NRG3: variants seen among roughly 807,000 people sequenced by gnomAD.
The protein encoded by NRG3 is pro-neuregulin-3, membrane-bound isoform.
Under a neutral mutation model 66.9 loss-of-function variants are expected in NRG3, and 31 were observed. The observed-to-expected ratio is 0.46, with a 90% CI of 0.35 to 0.63. NRG3 has a LOEUF of 0.63. Among genes scored for constraint, NRG3 ranks in the 20% least tolerant of loss-of-function variants. NRG3 has a pLI of 0.00. For missense variants in NRG3, 910 were observed against 878.9 expected (o/e 1.04, Z -0.45); for synonymous variants, 393 against 359.4 (o/e 1.09, Z -1.06).
At chr10:82,568,327 CTTTAG>C (rs575333995) in intron 2 of NRG3, among the ~76,000 whole-genome samples, 207 of 151,980 alleles carry the variant, frequency 1.4e-3, no homozygotes, top group Non-Finnish European at 2.4e-3. Context: ...TGAACATCAG[CTTTAG>C]TTTAGTTAAC....
intron 2 of NRG3, among the ~76,000 whole-genome samples, chr10:82,385,395 T>G (rs2085913093): frequency 6.6e-6 from 1 of 152,178 alleles, no homozygotes; most frequent in Admixed American, 6.5e-5. Context: ...ATAACAATAA[T>G]AGCTACAAAG....
intron 2 of NRG3, among the ~76,000 whole-genome samples, chr10:82,360,541 A>G (rs1036338565): frequency 1.3e-5 from 2 of 152,240 alleles, no homozygotes; most frequent in Non-Finnish European, 2.9e-5. Context: ...GAGATGATTC[A>G]TCTTTTCCAA....
chr10:82,925,161 T>C (rs1846859346), intron 4 of NRG3, among the ~76,000 whole-genome samples: 1 of 152,176 alleles, frequency 6.6e-6, no homozygotes. Flanking sequence ...AATTGGTCTT[T>C]AAACTGACTC....
intron 1 of NRG3, among the ~76,000 whole-genome samples, chr10:82,010,394 G>A (rs1479604039): frequency 6.6e-6 from 1 of 152,146 alleles, no homozygotes; most frequent in Admixed American, 6.6e-5. Context: ...AAAATATAAT[G>A]TGGTTTGAAA....
At chr10:81,966,181 A>G (rs1229702204) in intron 1 of NRG3, among the ~76,000 whole-genome samples, 1 of 151,788 alleles carries the variant, frequency 6.6e-6, no homozygotes, top group Non-Finnish European at 1.5e-5. Flanking sequence ...ATTTACATTA[A>G]TATACAGCTA....
chr10:82,791,064 G>GT (rs1328380140), intron 3 of NRG3, among the ~76,000 whole-genome samples: 5 of 151,176 alleles, frequency 3.3e-5, no homozygotes, highest in Admixed American at 6.6e-5. Context: ...CTGACTTAAA[G>GT]TTTTTTTTTA....
chr10:82,189,393 A>G (rs954349770), intron 1 of NRG3, among the ~76,000 whole-genome samples: 1 of 152,128 alleles, frequency 6.6e-6, no homozygotes, highest in African/African-American at 2.4e-5. Context: ...ACAGTGACTC[A>G]CACCTGTAAT....
intron 1 of NRG3, among the ~76,000 whole-genome samples, chr10:82,240,363 G>C (rs1054243081): frequency 1.3e-5 from 2 of 152,018 alleles, no homozygotes; most frequent in African/African-American, 4.8e-5. Flanking sequence ...TGAAAGTGTA[G>C]ATTTCAGATA....
At chr10:82,083,148 G>A (rs1400683932) in intron 1 of NRG3, among the ~76,000 whole-genome samples, 1 of 151,716 alleles carries the variant, frequency 6.6e-6, no homozygotes, top group Admixed American at 6.6e-5. Context: ...ATGACTTAAG[G>A]CTATTTTTGA....
chr10:82,216,460 A>ATATGTG (rs1554851844), intron 1 of NRG3, among the ~76,000 whole-genome samples: 22 of 146,330 alleles, frequency 1.5e-4, no homozygotes, highest in Admixed American at 3.4e-4. Flanking sequence ...TTTTATATAT[A>ATATGTG]TGTGTGTGTG....
At chr10:82,682,997 C>G (rs1009787943) in intron 2 of NRG3, among the ~76,000 whole-genome samples, 24 of 140,402 alleles carry the variant, frequency 1.7e-4, no homozygotes, top group South Asian at 4.6e-4. Context: ...CTCACTCTGT[C>G]GCCCAGGCTG....
intron 1 of NRG3, among the ~76,000 whole-genome samples, chr10:81,970,434 A>T (rs2059891735): frequency 6.6e-6 from 1 of 152,194 alleles, no homozygotes; most frequent in South Asian, 2.1e-4. Flanking sequence ...TCTTTTTCTT[A>T]ACTTTAGCAG....
chr10:82,574,535 A>C (rs2045926388), intron 2 of NRG3, among the ~76,000 whole-genome samples: 1 of 151,788 alleles, frequency 6.6e-6, no homozygotes. Context: ...AAAGATTTGA[A>C]ATTTGTTCCC....
chr10:82,875,900 G>T (rs1427660439), intron 4 of NRG3, among the ~76,000 whole-genome samples: 1 of 152,196 alleles, frequency 6.6e-6, no homozygotes, highest in Non-Finnish European at 1.5e-5. Context: ...TTTACACAAA[G>T]TCATGACAAC....
intron 2 of NRG3, among the ~76,000 whole-genome samples, chr10:82,556,085 A>G (rs1194649649): frequency 6.6e-6 from 1 of 152,134 alleles, no homozygotes; most frequent in Non-Finnish European, 1.5e-5. Context: ...TTCATTTGAC[A>G]CATTTGATGA....
At chr10:81,984,524 A>G (rs1269710085) in intron 1 of NRG3, among the ~76,000 whole-genome samples, 1 of 152,006 alleles carries the variant, frequency 6.6e-6, no homozygotes, top group Non-Finnish European at 1.5e-5. Flanking sequence ...TGTTTCCAAA[A>G]TTTTCTCATA....
chr10:82,958,941 G>T lies in NRG3; in HGVS notation c.1158-8G>T. 1 of 1,565,518 alleles carries T rather than the reference G, an allele frequency of 6.4e-7. No individual in the cohort carries two copies. Among genetic ancestry groups the T allele is most frequent in the Non-Finnish European group, 8.6e-7 (1 of 1,162,658 alleles). ...CAAATATTTGTACACGTTTATTTAT[G>T]CCTGCAGGAAACAAGCTAAACAAAT... On this transcript the variant is annotated splice_region_variant and splice_polypyrimidine_tract_variant and intron_variant, in intron 5 of 8. Coordinates refer to ENST00000372141, the MANE Select transcript of NRG3 (RefSeq NM_001010848.4).
intron 2 of NRG3, among the ~76,000 whole-genome samples, chr10:82,729,753 G>C (rs991056801): frequency 6.6e-6 from 1 of 152,170 alleles, no homozygotes; most frequent in Admixed American, 6.5e-5. Flanking sequence ...ATGGGTTGCT[G>C]TTTCCCAGGT....
At chr10:82,558,017 T>A in intron 2 of NRG3, among the ~76,000 whole-genome samples, 1 of 152,102 alleles carries the variant, frequency 6.6e-6, no homozygotes, top group East Asian at 1.9e-4. Flanking sequence ...GGGAGGAAGG[T>A]CCTTTCTCCA....
Sources: gnomAD v4.1 joint callset for allele counts (sites outside exome capture counted in the v4.1 genomes callset) on GRCh38, gnomAD v4.1.1 for gene constraint, MANE v1.5 for transcripts, NCBI Gene and HGNC (gene_info 2026-07-23, HGNC 2026-07-21) for gene names.